The following SGCZ variants were observed in gnomAD, a reference collection of about 807,000 sequenced individuals.
SGCZ encodes zeta-sarcoglycan.
Under a neutral mutation model 41.3 loss-of-function variants are expected in SGCZ, and 40 were observed. The observed-to-expected ratio is 0.97, with a 90% CI of 0.75 to 1.26. The LOEUF is 1.26. Among genes scored for constraint, SGCZ ranks in the 50% most tolerant of loss-of-function variants. The pLI is 0.00. For synonymous variants in SGCZ, 206 were observed against 137.5 expected (o/e 1.50, Z -3.49); for missense variants, 552 against 369.8 (o/e 1.49, Z -4.04).
At chr8:15,083,326 C>G (rs1158065400) in intron 1 of SGCZ, among the ~76,000 whole-genome samples, 1 of 152,046 alleles carries the variant, frequency 6.6e-6, no homozygotes, top group Non-Finnish European at 1.5e-5. Context: ...CAGATCATCT[C>G]TCCTTAGAAT....
chr8:14,533,604 T>A (rs1199484922), intron 2 of SGCZ, among the ~76,000 whole-genome samples: 1 of 151,972 alleles, frequency 6.6e-6, no homozygotes, highest in Non-Finnish European at 1.5e-5. Flanking sequence ...AGTGCAAAAT[T>A]TGAAAGAGTG....
At chr8:15,091,260 T>G in intron 1 of SGCZ, among the ~76,000 whole-genome samples, 1 of 152,120 alleles carries the variant, frequency 6.6e-6, no homozygotes, top group African/African-American at 2.4e-5. Flanking sequence ...GCTCAAGTGG[T>G]CCTCCCAACT....
intron 5 of SGCZ, among the ~76,000 whole-genome samples, chr8:14,111,003 G>A (rs975398444): frequency 6.6e-6 from 1 of 152,012 alleles, no homozygotes; most frequent in Non-Finnish European, 1.5e-5. Flanking sequence ...GCAGTGAGCT[G>A]AGATTGCACC....
chr8:14,703,957 G>T (rs887477306), intron 1 of SGCZ, among the ~76,000 whole-genome samples: 2 of 152,048 alleles, frequency 1.3e-5, no homozygotes, highest in African/African-American at 4.8e-5. Flanking sequence ...GCAGCGAGAT[G>T]TCAGTGAACT....
chr8:15,120,165 A>T (rs1807426189), intron 1 of SGCZ, among the ~76,000 whole-genome samples: 1 of 152,164 alleles, frequency 6.6e-6, no homozygotes, highest in African/African-American at 2.4e-5. Flanking sequence ...TATTTTTCTA[A>T]CAATGTTTCA....
rs550045487 is a variant in SGCZ at position 14,145,562 on chromosome 8, G to T, written c.547+19018C>A. ...ACATTGTTAATATCAACACTATCCAGGAAAACATGACCTCAGTAAATGAAC... is the reference window on the plus strand; with the variant it reads ...ACATTGTTAATATCAACACTATCCATGAAAACATGACCTCAGTAAATGAAC... On this transcript the variant is annotated intron_variant, in intron 5 of 7. Coordinates refer to ENST00000382080, the MANE Select transcript of SGCZ (RefSeq NM_139167.4). 2.6e-5 allele frequency among the ~76,000 whole-genome samples: 4 copies of T among 152,188 alleles called. No individual in the cohort carries two copies. The South Asian group carries it at 8.3e-4, about 32-fold the overall frequency.
chr8:14,969,806 C>G (rs577617788), intron 1 of SGCZ, among the ~76,000 whole-genome samples: 5 of 151,910 alleles, frequency 3.3e-5, no homozygotes, highest in Admixed American at 6.6e-5. Context: ...CATAAGTTGG[C>G]GCTACTGCAA....
At chr8:14,523,137 CT>C (rs1802839756) in intron 2 of SGCZ, among the ~76,000 whole-genome samples, 1 of 151,892 alleles carries the variant, frequency 6.6e-6, no homozygotes, top group African/African-American at 2.4e-5. Context: ...ATCTCTCCCG[CT>C]TACATTTAGA....
At chr8:15,215,941 G>A (rs1307497341) in intron 1 of SGCZ, among the ~76,000 whole-genome samples, 3 of 152,148 alleles carry the variant, frequency 2.0e-5, no homozygotes, top group South Asian at 4.1e-4. Context: ...CCTGCATTCT[G>A]TTTGAATATT....
chr8:15,135,685 CTG>C (rs1434066271), intron 1 of SGCZ, among the ~76,000 whole-genome samples: 8 of 152,096 alleles, frequency 5.3e-5, no homozygotes, highest in Non-Finnish European at 1.2e-4. Context: ...AGTGTTTAGA[CTG>C]TGTGTAGTAC....
intron 3 of SGCZ, among the ~76,000 whole-genome samples, chr8:14,316,523 G>C (rs187131036): frequency 3.3e-5 from 5 of 151,948 alleles, no homozygotes; most frequent in African/African-American, 1.2e-4. Context: ...GCATAATCGA[G>C]TTAATAGAAG....
chr8:14,273,633 T>G (rs1200225802), intron 3 of SGCZ, among the ~76,000 whole-genome samples: 1 of 152,180 alleles, frequency 6.6e-6, no homozygotes, highest in African/African-American at 2.4e-5. Flanking sequence ...TTTTAAACCT[T>G]TAACAAGAAA....
At chr8:14,863,559 G>C (rs999103016) in intron 1 of SGCZ, among the ~76,000 whole-genome samples, 4 of 152,094 alleles carry the variant, frequency 2.6e-5, no homozygotes, top group Non-Finnish European at 4.4e-5. Flanking sequence ...AAGATAAAAT[G>C]AACACTGACA....
chr8:14,163,697 A>G (rs979917741), intron 5 of SGCZ, among the ~76,000 whole-genome samples: 5 of 152,158 alleles, frequency 3.3e-5, no homozygotes, highest in Non-Finnish European at 7.3e-5. Context: ...GGCAGGATTC[A>G]ACCCAAACAA....
chr8:14,269,024 A>C (rs1410822516), intron 3 of SGCZ, among the ~76,000 whole-genome samples: 1 of 152,046 alleles, frequency 6.6e-6, no homozygotes, highest in Non-Finnish European at 1.5e-5. Flanking sequence ...AAAAGAATAT[A>C]TAAAACAATA....
intron 1 of SGCZ, among the ~76,000 whole-genome samples, chr8:14,913,580 T>C (rs1799340179): frequency 1.3e-5 from 2 of 152,088 alleles, no homozygotes; most frequent in South Asian, 4.1e-4. Context: ...GCAACAAAGG[T>C]CTGTAACGGA....
intron 1 of SGCZ, among the ~76,000 whole-genome samples, chr8:14,892,319 T>C (rs370942915): frequency 3.6e-4 from 55 of 152,270 alleles, no homozygotes; most frequent in Middle Eastern, 3.4e-3. Context: ...CCTGCTGATA[T>C]TCCTGTCACT....
intron 1 of SGCZ, among the ~76,000 whole-genome samples, chr8:14,622,024 A>T (rs1346490664): frequency 6.6e-6 from 1 of 152,180 alleles, no homozygotes; most frequent in South Asian, 2.1e-4. Context: ...TTAAGATCTA[A>T]ACTATTGTAT....
chr8:14,524,098 T>C (rs1802868969), intron 2 of SGCZ, among the ~76,000 whole-genome samples: 1 of 152,124 alleles, frequency 6.6e-6, no homozygotes, highest in Non-Finnish European at 1.5e-5. Context: ...CTAGTGATTA[T>C]TTTACATTCA....
Sources: allele counts gnomAD v4.1 joint callset (sites outside exome capture counted in the v4.1 genomes callset), GRCh38; gene constraint gnomAD v4.1.1; transcripts MANE v1.5; gene names NCBI Gene and HGNC (gene_info 2026-07-23, HGNC 2026-07-21).